The following ROBO1 variants were observed in gnomAD, a reference collection of about 807,000 sequenced individuals.
ROBO1 encodes roundabout homolog 1.
ROBO1 carries 149 observed loss-of-function variants against 195.9 expected under a neutral mutation model. That is an observed-to-expected ratio of 0.76 (90% confidence interval 0.67 to 0.87). The LOEUF (loss-of-function observed/expected upper bound fraction) is 0.87, where lower values mean the gene tolerates loss of function less well. Ranked by LOEUF, ROBO1 falls within the 40% of genes least tolerant of loss-of-function variation. The pLI, the probability that ROBO1 is intolerant of heterozygous loss-of-function variation, is 0.00. For synonymous variants in ROBO1, 816 were observed against 733.2 expected (o/e 1.11, Z -1.82); for missense variants, 1,933 against 2,068.3 (o/e 0.93, Z 1.27).
At chr3:79,736,891 G>A (rs190471242) in intron 1 of ROBO1, among the ~76,000 whole-genome samples, 6 of 152,200 alleles carry the variant, frequency 3.9e-5, no homozygotes, top group Admixed American at 2.0e-4. Flanking sequence ...TAGTAATTTG[G>A]AGAGTTGTAT....
intron 2 of ROBO1, among the ~76,000 whole-genome samples, chr3:79,187,892 C>T (rs1276842985): frequency 6.6e-6 from 1 of 151,948 alleles, no homozygotes; most frequent in Non-Finnish European, 1.5e-5. Flanking sequence ...CCTGAGGAGG[C>T]AGGAAACCTA....
intron 4 of ROBO1, among the ~76,000 whole-genome samples, chr3:78,871,806 C>T (rs2035567939): frequency 1.4e-5 from 2 of 145,560 alleles, no homozygotes; most frequent in Non-Finnish European, 3.0e-5. Context: ...AAGTAACCAA[C>T]TAATGAAAAA....
rs1453755004 is a variant in ROBO1 at position 79,129,945 on chromosome 3, C to T, written c.89-4406G>A. ...CCATTTATTAAATAGGGAATCCTTT[C>T]CCCATTGCTTGTTTTTCTCAGGTTT... On this transcript the variant is annotated intron_variant, in intron 2 of 30. Coordinates refer to ENST00000464233, the MANE Select transcript of ROBO1 (RefSeq NM_002941.4). 1.5e-4 allele frequency among the ~76,000 whole-genome samples: 20 copies of T among 129,230 alleles called. 1 individual carries two copies. The East Asian group carries it at 4.1e-3, about 27-fold the overall frequency. 84.8% of individuals were successfully genotyped at this position (129,230 alleles called of 152,430 possible). A position where few individuals can be genotyped will look rare whatever the true frequency, so the allele number is the denominator to read the frequency against.
chr3:79,761,995 T>C (rs1704724990), intron 1 of ROBO1, among the ~76,000 whole-genome samples: 2 of 152,270 alleles, frequency 1.3e-5, no homozygotes, highest in South Asian at 4.1e-4. Context: ...AAGGGCTACT[T>C]TTTTCACTTT....
intron 5 of ROBO1, among the ~76,000 whole-genome samples, chr3:78,733,292 A>T (rs2082322180): frequency 6.6e-6 from 1 of 152,162 alleles, no homozygotes; most frequent in Admixed American, 6.5e-5. Flanking sequence ...GAAAACTAAA[A>T]GCCTTAAGAA....
intron 2 of ROBO1, among the ~76,000 whole-genome samples, chr3:79,174,008 AGT>A (rs1196176139): frequency 1.1e-4 from 16 of 152,098 alleles, no homozygotes; most frequent in Non-Finnish European, 1.8e-4. Context: ...CGCACCAATC[AGT>A]GCCCTGTCAA....
intron 8 of ROBO1, among the ~76,000 whole-genome samples, chr3:78,699,149 T>C (rs930878169): frequency 6.6e-6 from 1 of 152,118 alleles, no homozygotes; most frequent in Non-Finnish European, 1.5e-5. Context: ...CCTCCTTCTC[T>C]CTTTATTGCC....
At chr3:78,799,980 A>T (rs370078454) in intron 4 of ROBO1, among the ~76,000 whole-genome samples, 1 of 152,156 alleles carries the variant, frequency 6.6e-6, no homozygotes, top group Non-Finnish European at 1.5e-5. Context: ...GCTTGGGGCA[A>T]CAATTCAGTC....
Position 78,657,197 on chromosome 3 carries a change from T to C in ROBO1, c.2515A>G (p.Ile839Val), listed in dbSNP as rs1376535713. 8 of 1,613,376 alleles carry C rather than the reference T, an allele frequency of 5.0e-6. No individual in the cohort carries two copies. Among genetic ancestry groups the C allele is most frequent in the African/African-American group, 1.3e-5 (1 of 74,932 alleles). ...TVDGSTFSVV[I>V]PFLVPGIRYS... is the part of the protein sequence containing the mutation. ...CGGATTCCAGGAACAAGAAAGGGAATGACCACGGAAAAGGTGGAACCATCC... is the reference window on the plus strand; with the variant it reads ...CGGATTCCAGGAACAAGAAAGGGAACGACCACGGAAAAGGTGGAACCATCC... Residue 839 changes from isoleucine to valine, a missense_variant, in exon 18 of 31, where the codon ATT becomes GTT. This residue lies in a region of ROBO1 where 1,737 missense variants were observed against 1,882.5 expected (regional missense o/e 0.92). Coordinates refer to ENST00000464233, the MANE Select transcript of ROBO1 (RefSeq NM_002941.4).
Position 78,893,658 on chromosome 3 carries a change from C to T in ROBO1, c.499+44943G>A, listed in dbSNP as rs1005314082. Among the ~76,000 whole-genome samples, 293 of 152,132 alleles carry T rather than the reference C, an allele frequency of 1.9e-3. 1 individual carries two copies. The highest frequency in any genetic ancestry group is 6.4e-3 in the African/African-American group (265 of 41,522). ...ACTATAGATTTTAATGAGGAAATAACGTCTAAGTTAAAACAATGCACTTGT... is the reference window on the plus strand; with the variant it reads ...ACTATAGATTTTAATGAGGAAATAATGTCTAAGTTAAAACAATGCACTTGT... On this transcript the variant is annotated intron_variant, in intron 4 of 30. Coordinates refer to ENST00000464233, the MANE Select transcript of ROBO1 (RefSeq NM_002941.4).
At chr3:79,434,350 G>T (rs189365516) in intron 2 of ROBO1, among the ~76,000 whole-genome samples, 8 of 152,098 alleles carry the variant, frequency 5.3e-5, no homozygotes, top group African/African-American at 1.9e-4. Context: ...AATTTACAAA[G>T]AACTCAAACA....
Position 79,018,545 on chromosome 3 carries a change from C to A in ROBO1, c.173-79618G>T, listed in dbSNP as rs1006699478. The A allele has an allele frequency of 2.6e-5, 42 of 1,586,218 alleles. 1 individual carries two copies. In the African/African-American group the frequency reaches 5.2e-4, roughly 20 times the overall value. On this transcript the variant is annotated intron_variant, in intron 3 of 30. Transcript: ENST00000464233. ...TCCCCAAATGTATGAAGCCACACAC[C>A]ACACACAAAGGCTTAATATAAGCAA... is the stretch of plus-strand genomic sequence containing the variant.
intron 2 of ROBO1, among the ~76,000 whole-genome samples, chr3:79,306,659 A>G (rs986763434): frequency 2.0e-5 from 3 of 152,248 alleles, no homozygotes; most frequent in African/African-American, 4.8e-5. Context: ...TTCCAGGACA[A>G]TAACAGCATT....
At chr3:78,605,834 C>T (rs1703431353) in intron 29 of ROBO1, among the ~76,000 whole-genome samples, 2 of 152,134 alleles carry the variant, frequency 1.3e-5, no homozygotes, top group South Asian at 4.1e-4. Context: ...CTATGAATAA[C>T]TTTTTTTGTT....
chr3:79,149,674 T>C (rs976047766), intron 2 of ROBO1, among the ~76,000 whole-genome samples: 7 of 151,728 alleles, frequency 4.6e-5, no homozygotes, highest in Admixed American at 4.0e-4. Context: ...ACTCCTATAA[T>C]TAGGTTTCAG....
chr3:79,106,604 A>G (rs893848294), intron 3 of ROBO1, among the ~76,000 whole-genome samples: 2 of 151,622 alleles, frequency 1.3e-5, no homozygotes, highest in African/African-American at 4.8e-5. Context: ...GCAAACACCT[A>G]AAGTTTCAAG....
At position 78,598,940 on chromosome 3, in the gene ROBO1, C is replaced by A. The variant is rs374513320; in HGVS notation, c.4942-13G>T. On this transcript the variant is annotated splice_polypyrimidine_tract_variant and intron_variant, in intron 30 of 30. Transcript: ENST00000464233. ...AGCTTTCAGTTTCCTGTAAGAGATACGTTATTGTCACATTTGAAAATAAAT... is the reference window on the plus strand; with the variant it reads ...AGCTTTCAGTTTCCTGTAAGAGATAAGTTATTGTCACATTTGAAAATAAAT... The A allele has an allele frequency of 2.0e-6, 3 of 1,533,854 alleles. No individual in the cohort carries two copies. Among genetic ancestry groups the A allele is most frequent in the Non-Finnish European group, 2.7e-6 (3 of 1,125,468 alleles).
chr3:78,675,416 A>G (rs1455780468), intron 10 of ROBO1, among the ~76,000 whole-genome samples: 8 of 152,110 alleles, frequency 5.3e-5, no homozygotes, highest in Non-Finnish European at 1.0e-4. Flanking sequence ...TTCCTAGTCA[A>G]AGAAAGGGGT....
At chr3:79,497,106 T>A (rs1395011762) in intron 2 of ROBO1, among the ~76,000 whole-genome samples, 4 of 152,152 alleles carry the variant, frequency 2.6e-5, no homozygotes, top group Non-Finnish European at 5.9e-5. Context: ...CAGGCTGTAG[T>A]TAGGGTGATG....
Sources: allele counts gnomAD v4.1 joint callset (sites outside exome capture counted in the v4.1 genomes callset), GRCh38; gene constraint gnomAD v4.1.1; regional missense constraint gnomAD v4.1.1; transcripts MANE v1.5; gene names NCBI Gene and HGNC (gene_info 2026-07-23, HGNC 2026-07-21).